The following EXOC4 variants were observed in gnomAD, a reference collection of about 807,000 sequenced individuals.
The protein encoded by EXOC4 is SEC8-like 1.
Under a neutral mutation model 107.2 loss-of-function variants are expected in EXOC4, and 71 were observed. The observed-to-expected ratio is 0.66, with a 90% CI of 0.55 to 0.81. EXOC4 has a LOEUF of 0.81. Ranked by LOEUF, EXOC4 falls within the 30% of genes least tolerant of loss-of-function variation. EXOC4 has a pLI of 0.00. For missense variants in EXOC4, 1,108 were observed against 1,189.6 expected (o/e 0.93, Z 1.01); for synonymous variants, 456 against 441.2 (o/e 1.03, Z -0.42).
intron 7 of EXOC4, among the ~76,000 whole-genome samples, chr7:133,414,001 T>A (rs1797418948): frequency 6.6e-6 from 1 of 152,076 alleles, no homozygotes; most frequent in Admixed American, 6.5e-5. Flanking sequence ...AACTTAAAAA[T>A]CTTAAATATA....
At position 133,572,249 on chromosome 7, in the gene EXOC4, T is replaced by A. The variant is rs74503080; in HGVS notation, c.1418-57796T>A. On this transcript the variant is annotated intron_variant, in intron 9 of 17. Transcript: ENST00000253861. ...ACCACCCCAGTCTGTTTACTTTTGT[T>A]TCTACATTGTTACAGCTTATTGGAA... Among the ~76,000 whole-genome samples the A allele has an allele frequency of 9.9e-3, 1,514 of 152,320 alleles. 10 individuals carry two copies. The highest frequency in any genetic ancestry group is 0.018 in the Non-Finnish European group (1,192 of 68,022).
chr7:133,754,634 G>A (rs184724491), intron 10 of EXOC4, among the ~76,000 whole-genome samples: 170 of 152,264 alleles, frequency 1.1e-3, no homozygotes, highest in Admixed American at 2.4e-3. Flanking sequence ...TAAATGTACA[G>A]TATTGATTGA....
intron 12 of EXOC4, among the ~76,000 whole-genome samples, chr7:133,901,810 C>T (rs11979933): frequency 0.02 from 3,107 of 152,234 alleles, 96 homozygotes; most frequent in African/African-American, 0.067. Context: ...TCTTTTAATG[C>T]AGCCAACCCT....
intron 9 of EXOC4, among the ~76,000 whole-genome samples, chr7:133,587,391 A>T (rs189997414): frequency 6.6e-6 from 1 of 152,316 alleles, no homozygotes; most frequent in East Asian, 1.9e-4. Context: ...TTGAATGAGG[A>T]TGTTAGTGTC....
At chr7:133,666,849 G>A (rs1793828146) in intron 10 of EXOC4, among the ~76,000 whole-genome samples, 1 of 152,066 alleles carries the variant, frequency 6.6e-6, no homozygotes, top group African/African-American at 2.4e-5. Flanking sequence ...CTTCAACTCT[G>A]TTCAAAGCCC....
chr7:133,940,101 T>C (rs1452607491), intron 14 of EXOC4, among the ~76,000 whole-genome samples: 5 of 152,208 alleles, frequency 3.3e-5, no homozygotes, highest in South Asian at 2.1e-4. Context: ...TAATATTTAA[T>C]GCTACAATCT....
chr7:133,784,342 A>G (rs146753623), intron 10 of EXOC4, among the ~76,000 whole-genome samples: 118 of 152,278 alleles, frequency 7.7e-4, no homozygotes, highest in African/African-American at 2.8e-3. Flanking sequence ...ATACACCTTA[A>G]TAATTATTCA....
chr7:133,576,657 A>C, intron 9 of EXOC4: 1 of 1,289,770 alleles, frequency 7.8e-7, no homozygotes, highest in Non-Finnish European at 1.0e-6. Context: ...CAGTTGAAAA[A>C]GAAACAATCA....
intron 7 of EXOC4, among the ~76,000 whole-genome samples, chr7:133,474,695 G>T (rs766762148): frequency 6.6e-6 from 1 of 151,996 alleles, no homozygotes; most frequent in Non-Finnish European, 1.5e-5. Context: ...TTCTTTGTAG[G>T]TCAGGACTTC....
At chr7:133,868,942 T>G (rs1339559849) in intron 11 of EXOC4, among the ~76,000 whole-genome samples, 1 of 152,012 alleles carries the variant, frequency 6.6e-6, no homozygotes, top group Admixed American at 6.6e-5. Flanking sequence ...TCCTTCCTGC[T>G]CCCTGTGCCC....
intron 7 of EXOC4, among the ~76,000 whole-genome samples, chr7:133,456,543 A>G (rs1034830581): frequency 6.6e-6 from 1 of 152,174 alleles, no homozygotes; most frequent in African/African-American, 2.4e-5. Context: ...TGTACTATCT[A>G]ATCAATGTCT....
chr7:133,528,726 T>TA (rs905431343), intron 9 of EXOC4, among the ~76,000 whole-genome samples: 14 of 150,922 alleles, frequency 9.3e-5, no homozygotes, highest in Non-Finnish European at 1.5e-4. Context: ...TTAAGTCAAT[T>TA]AAAAAAAAAG....
chr7:133,581,002 A>G (rs1423505007), intron 9 of EXOC4, among the ~76,000 whole-genome samples: 2 of 152,220 alleles, frequency 1.3e-5, no homozygotes, highest in South Asian at 4.1e-4. Context: ...CGAGTGCTGT[A>G]TAAGCAGTCT....
chr7:133,598,749 A>C (rs534234208), intron 9 of EXOC4, among the ~76,000 whole-genome samples: 8 of 152,286 alleles, frequency 5.3e-5, no homozygotes, highest in African/African-American at 1.9e-4. Context: ...TGGGAGGCTG[A>C]AGCGGGTGGA....
At chr7:133,868,998 G>A (rs2116383889) in intron 11 of EXOC4, among the ~76,000 whole-genome samples, 1 of 152,014 alleles carries the variant, frequency 6.6e-6, no homozygotes, top group South Asian at 2.1e-4. Flanking sequence ...GCACCTGGAG[G>A]AATATGGAAC....
chr7:133,783,420 T>A (rs1445424813), intron 10 of EXOC4, among the ~76,000 whole-genome samples: 7 of 152,250 alleles, frequency 4.6e-5, no homozygotes, highest in African/African-American at 1.4e-4. Flanking sequence ...TGTGACATCA[T>A]GATATCAAGT....
At position 133,288,937 on chromosome 7, in the gene EXOC4, C is replaced by T. The variant is rs1349383128; in HGVS notation, c.292C>T (p.Leu98Phe). The change falls in exon 3 of 18, where the codon CTT becomes TTT. Residue 98 changes from leucine to phenylalanine, a missense_variant. By Grantham distance (22) the Leu-to-Phe change is conservative (BLOSUM62 0). Coordinates refer to ENST00000253861, the MANE Select transcript of EXOC4 (RefSeq NM_021807.4). Reference protein sequence around the residue: ...NKIKQVKENLLSCKMLLHCKR... With the variant: ...NKIKQVKENLFSCKMLLHCKR... ...TTTATTGTAGGTAAAAGAGAACCTG[C>T]TTTCATGCAAGATGCTGCTGCACTG... 1.9e-6 allele frequency: 3 copies of T among 1,614,012 alleles called. No individual in the cohort carries two copies. The highest frequency in any genetic ancestry group is 2.5e-6 in the Non-Finnish European group (3 of 1,179,972).
At position 133,635,162 on chromosome 7, in the gene EXOC4, A is replaced by C. The variant is rs549310458; in HGVS notation, c.1514+5021A>C. Among the ~76,000 whole-genome samples the C allele has an allele frequency of 1.2e-3, 187 of 152,284 alleles. 1 individual carries two copies. Among genetic ancestry groups the C allele is most frequent in the Non-Finnish European group, 1.9e-3 (128 of 68,016 alleles). ...TATTTTTGAATAATTACATCATGGT[A>C]GTTATTAACCATGATCTGCATATAA... On this transcript the variant is annotated intron_variant, in intron 10 of 17. Transcript: ENST00000253861.
chr7:133,371,200 C>T (rs1292029911), intron 6 of EXOC4, among the ~76,000 whole-genome samples: 1 of 152,150 alleles, frequency 6.6e-6, no homozygotes, highest in East Asian at 1.9e-4. Flanking sequence ...GATCTTCACT[C>T]TCCCCACTCA....
Sources: allele counts gnomAD v4.1 joint callset (sites outside exome capture counted in the v4.1 genomes callset), GRCh38; gene constraint gnomAD v4.1.1; transcripts MANE v1.5; gene names NCBI Gene and HGNC (gene_info 2026-07-23, HGNC 2026-07-21).